SRGAP1: variants seen among roughly 807,000 people sequenced by gnomAD.
The protein encoded by SRGAP1 is SLIT-ROBO Rho GTPase activating protein 1, also known as SLIT-ROBO Rho GTPase-activating protein 1.
In SRGAP1, 43 loss-of-function variants were observed where a neutral mutation model predicts 121.9. That is an observed-to-expected ratio of 0.35 (90% CI 0.28 to 0.46). The LOEUF is 0.46. Ranked by LOEUF, SRGAP1 falls within the 20% of genes least tolerant of loss-of-function variation. The probability of loss-of-function intolerance (pLI) is 1.00; values close to 1 mark genes in which losing one functional copy is unlikely to be tolerated. For missense variants in SRGAP1, 1,102 were observed against 1,350.9 expected, an observed-to-expected ratio of 0.82 and a Z score of 2.89; for synonymous variants, 447 against 485.4, an observed-to-expected ratio of 0.92 and a Z score of 1.04.
chr12:63,988,609 G>C (rs2033476630), intron 2 of SRGAP1, among the ~76,000 whole-genome samples: 1 of 152,092 alleles, frequency 6.6e-6, no homozygotes. Context: ...ATTAAATCCT[G>C]AATCTGAGAG....
chr12:63,944,307 C>A (rs2136354014), intron 1 of SRGAP1, among the ~76,000 whole-genome samples: 1 of 152,280 alleles, frequency 6.6e-6, no homozygotes, highest in Non-Finnish European at 1.5e-5. Flanking sequence ...TTGTAAACAA[C>A]AGAAATTTAT....
intron 1 of SRGAP1, among the ~76,000 whole-genome samples, chr12:63,926,223 A>G (rs539631673): frequency 3.3e-4 from 51 of 152,350 alleles, no homozygotes; most frequent in African/African-American, 1.2e-3. Flanking sequence ...TTCTAATTTA[A>G]TATCTTAACA....
chr12:63,857,529 GCA>G (rs1211118863), intron 1 of SRGAP1, among the ~76,000 whole-genome samples: 9 of 151,622 alleles, frequency 5.9e-5, no homozygotes, highest in Non-Finnish European at 1.0e-4. Context: ...TTACAGGTGT[GCA>G]CCACCATACC....
At chr12:64,096,223 G>A (rs2036152241) in intron 14 of SRGAP1, among the ~76,000 whole-genome samples, 1 of 152,130 alleles carries the variant, frequency 6.6e-6, no homozygotes, top group Admixed American at 6.6e-5. Context: ...CTGCTTGGGT[G>A]AGGCTTTCTC....
At position 64,025,784 on chromosome 12, in the gene SRGAP1, G is replaced by C. The variant is rs2034641001; in HGVS notation, c.489+8772G>C. Among the ~76,000 whole-genome samples, 2 of 152,184 alleles carry C rather than the reference G, an allele frequency of 1.3e-5. 1 individual carries two copies. Among genetic ancestry groups the C allele is most frequent in the Admixed American group, 1.3e-4 (2 of 15,276 alleles). ...AGGGACTGGGGTCATGTGACTCTCT[G>C]TGAGCAACTTCTGAATTCTAATCTT... On this transcript the variant is annotated intron_variant, in intron 4 of 21. Coordinates refer to ENST00000355086, the MANE Select transcript of SRGAP1 (RefSeq NM_020762.4).
intron 1 of SRGAP1, among the ~76,000 whole-genome samples, chr12:63,864,394 C>G (rs1899554905): frequency 6.6e-6 from 1 of 152,150 alleles, no homozygotes; most frequent in Non-Finnish European, 1.5e-5. Context: ...CTGAAATAAG[C>G]ACACTCATGT....
intron 1 of SRGAP1, among the ~76,000 whole-genome samples, chr12:63,890,629 G>A (rs187914430): frequency 1.3e-4 from 20 of 152,272 alleles, no homozygotes; most frequent in Non-Finnish European, 2.6e-4. Context: ...GTGACCAGCT[G>A]CATCTAGGAT....
At chr12:63,863,927 A>T (rs1899538774) in intron 1 of SRGAP1, among the ~76,000 whole-genome samples, 1 of 152,214 alleles carries the variant, frequency 6.6e-6, no homozygotes. Flanking sequence ...GATTGGTTAC[A>T]GCTCAGCATT....
At chr12:63,947,409 T>C (rs1367017540) in intron 1 of SRGAP1, among the ~76,000 whole-genome samples, 1 of 152,232 alleles carries the variant, frequency 6.6e-6, no homozygotes, top group Non-Finnish European at 1.5e-5. Context: ...CTCTTATGTT[T>C]TCTTCTAAAA....
chr12:63,960,954 C>T (rs1377425941), intron 1 of SRGAP1, among the ~76,000 whole-genome samples: 3 of 152,178 alleles, frequency 2.0e-5, no homozygotes, highest in Non-Finnish European at 4.4e-5. Flanking sequence ...TGGACTTCTG[C>T]ACTCCAGAAC....
chr12:64,093,071 C>A (rs2136586960), intron 12 of SRGAP1, among the ~76,000 whole-genome samples: 1 of 152,280 alleles, frequency 6.6e-6, no homozygotes, highest in African/African-American at 2.4e-5. Context: ...AGGGCTTGAT[C>A]ACTTGCAATC....
At chr12:64,135,053 A>G (rs1054035803) in intron 21 of SRGAP1, among the ~76,000 whole-genome samples, 2 of 152,178 alleles carry the variant, frequency 1.3e-5, no homozygotes, top group African/African-American at 4.8e-5. Context: ...CACAGGGTTT[A>G]TCTCCTCAGA....
intron 18 of SRGAP1, among the ~76,000 whole-genome samples, chr12:64,116,655 A>G (rs111924573): frequency 0.031 from 4,687 of 152,070 alleles, 253 homozygotes; most frequent in African/African-American, 0.11. Flanking sequence ...TATGTCAGGT[A>G]TTTTCTACTC....
intron 3 of SRGAP1, 70 bp from the exon 4 acceptor site, chr12:64,016,880 T>A: frequency 1.2e-6 from 1 of 837,932 alleles, no homozygotes. Flanking sequence ...TACATTCCTC[T>A]ATTTTCAGTT....
At chr12:64,138,797 C>G (rs114921982) in intron 21 of SRGAP1, among the ~76,000 whole-genome samples, 4,582 of 152,096 alleles carry the variant, frequency 0.03, 71 homozygotes, top group South Asian at 0.097. Flanking sequence ...GGTAGAGTTT[C>G]CATAAATGCA....
chr12:63,914,783 TC>T (rs2030704234), intron 1 of SRGAP1, among the ~76,000 whole-genome samples: 1 of 152,126 alleles, frequency 6.6e-6, no homozygotes, highest in African/African-American at 2.4e-5. Flanking sequence ...TATATTTTTT[TC>T]CGTACTTTTT....
At chr12:64,084,059 G>A (rs1178754152) in intron 10 of SRGAP1, among the ~76,000 whole-genome samples, 2 of 152,154 alleles carry the variant, frequency 1.3e-5, no homozygotes, top group Non-Finnish European at 2.9e-5. Context: ...GTTCTCATCA[G>A]TCATTCATTA....
chr12:63,928,398 C>T (rs930827764), intron 1 of SRGAP1, among the ~76,000 whole-genome samples: 27 of 152,312 alleles, frequency 1.8e-4, no homozygotes, highest in African/African-American at 6.5e-4. Context: ...GCCTTATTCA[C>T]AATAGCCAAA....
At chr12:63,971,823 A>T (rs186461736) in intron 1 of SRGAP1, among the ~76,000 whole-genome samples, 1 of 152,086 alleles carries the variant, frequency 6.6e-6, no homozygotes, top group East Asian at 1.9e-4. Context: ...CCATCTCTTT[A>T]AGGATTTTGT....
Sources: allele counts gnomAD v4.1 joint callset (sites outside exome capture counted in the v4.1 genomes callset), GRCh38; gene constraint gnomAD v4.1.1; transcripts MANE v1.5; gene names NCBI Gene and HGNC (gene_info 2026-07-23, HGNC 2026-07-21).